The following SGO2 variants were observed in gnomAD, a reference collection of about 807,000 sequenced individuals.
SGO2 encodes shugoshin-like 2.
Under a neutral mutation model 99.5 loss-of-function variants are expected in SGO2, and 68 were observed. That is an observed-to-expected ratio of 0.68 (90% CI 0.56 to 0.84). The LOEUF is 0.84. SGO2 is among the 40% of genes least tolerant of loss of function. The pLI is 0.00. For synonymous variants in SGO2, 457 were observed against 487.1 expected, an observed-to-expected ratio of 0.94 and a Z score of 0.81; for missense variants, 1,350 against 1,436.7, an observed-to-expected ratio of 0.94 and a Z score of 0.97.
intron 8 of SGO2, among the ~76,000 whole-genome samples, chr2:200,577,783 T>C (rs1356700438): frequency 6.6e-6 from 1 of 152,146 alleles, no homozygotes; most frequent in Non-Finnish European, 1.5e-5. Flanking sequence ...ATGATTGCAA[T>C]GCAGTTGTGC....
intron 4 of SGO2, among the ~76,000 whole-genome samples, chr2:200,536,911 C>T (rs931320073): frequency 6.6e-6 from 1 of 152,102 alleles, no homozygotes; most frequent in African/African-American, 2.4e-5. Flanking sequence ...GTTCTGTCTT[C>T]TCCTTGTACC....
Position 200,570,557 on chromosome 2 carries a change from A to T in SGO2, c.704-493A>T, listed in dbSNP as rs2033368819. Among the ~76,000 whole-genome samples the T allele has an allele frequency of 6.6e-6, 1 of 151,386 alleles. No individual in the cohort carries two copies. Among genetic ancestry groups the T allele is most frequent in the Non-Finnish European group, 1.5e-5 (1 of 67,744 alleles). On this transcript the variant is annotated intron_variant, in intron 6 of 8. Coordinates refer to ENST00000357799, the MANE Select transcript of SGO2 (RefSeq NM_152524.6). The surrounding 1 kb of genome is among the most constrained non-coding windows in gnomAD (Gnocchi z 4.4). Reference sequence around the variant, plus strand: ...TATATACACACACACATATATACACACATATATATGGTATACATATAATGT... The same window carrying T: ...TATATACACACACACATATATACACTCATATATATGGTATACATATAATGT...
At chr2:200,532,923 T>TCC (rs1325766702) in intron 1 of SGO2, 51 bp from the exon 2 acceptor site, 1 of 1,528,518 alleles carries the variant, frequency 6.5e-7, no homozygotes, top group East Asian at 2.3e-5. Context: ...TTATCAGTTA[T>TCC]ACTTTTTCTT....
chr2:200,582,895 C>T (rs1373324760), intron 8 of SGO2, among the ~76,000 whole-genome samples: 3 of 151,954 alleles, frequency 2.0e-5, no homozygotes, highest in African/African-American at 2.4e-5. Context: ...ACCTACAGTA[C>T]GATTCCATTT....
intron 8 of SGO2, among the ~76,000 whole-genome samples, chr2:200,579,683 AACC>A (rs1465288783): frequency 6.6e-6 from 1 of 152,166 alleles, no homozygotes; most frequent in East Asian, 1.9e-4. Context: ...GTACCGAACT[AACC>A]TTGCTTTCCT....
chr2:200,544,471 A>T (rs1394745224), intron 5 of SGO2, among the ~76,000 whole-genome samples: 1 of 152,138 alleles, frequency 6.6e-6, no homozygotes, highest in African/African-American at 2.4e-5. Flanking sequence ...TAATAGGGAC[A>T]GGATTTTACC....
chr2:200,527,879 A>G (rs1449814184), intron 1 of SGO2, among the ~76,000 whole-genome samples: 1 of 152,166 alleles, frequency 6.6e-6, no homozygotes, highest in African/African-American at 2.4e-5. Flanking sequence ...AGAAGGGGAG[A>G]ATGGGGGTAA....
intron 4 of SGO2, among the ~76,000 whole-genome samples, chr2:200,539,438 T>A (rs1461742442): frequency 1.3e-5 from 2 of 152,090 alleles, no homozygotes; most frequent in Non-Finnish European, 2.9e-5. Flanking sequence ...TTTTTCTATT[T>A]TATTTTATTC....
At chr2:200,536,170 T>G (rs1049789736) in intron 4 of SGO2, 28 bp downstream of exon 4, 2 of 1,398,710 alleles carry the variant, frequency 1.4e-6, no homozygotes, top group African/African-American at 2.8e-5. Flanking sequence ...GTAAATAGTG[T>G]TGTTCTTTAG....
chr2:200,545,987 A>G (rs1559203843), intron 5 of SGO2, among the ~76,000 whole-genome samples: 1 of 152,152 alleles, frequency 6.6e-6, no homozygotes, highest in Non-Finnish European at 1.5e-5. Flanking sequence ...TGGTTGTAGG[A>G]GGTGCATTCC....
At chr2:200,531,294 G>A (rs766618169) in intron 1 of SGO2, among the ~76,000 whole-genome samples, 2 of 152,118 alleles carry the variant, frequency 1.3e-5, no homozygotes, top group Non-Finnish European at 2.9e-5. Flanking sequence ...CAATGAGTGA[G>A]GATATGAAAT....
At chr2:200,532,594 G>A (rs1166200055) in intron 1 of SGO2, among the ~76,000 whole-genome samples, 2 of 151,954 alleles carry the variant, frequency 1.3e-5, no homozygotes, top group East Asian at 3.9e-4. Flanking sequence ...CTTGGATTGG[G>A]TATATCTCTT....
chr2:200,535,539 T>C (rs1422134839), intron 3 of SGO2, among the ~76,000 whole-genome samples: 2 of 152,136 alleles, frequency 1.3e-5, no homozygotes, highest in African/African-American at 2.4e-5. Flanking sequence ...AATCTCAGCA[T>C]TTACCTGGCT....
Position 200,573,639 on chromosome 2 carries a change from G to A in SGO2, c.3293G>A (p.Arg1098Lys). Residue 1098 changes from arginine to lysine, a missense_variant, in exon 7 of 9, where the codon AGA becomes AAA. Arg to Lys is a conservative substitution (Grantham distance 26). Transcript: ENST00000357799. ...CCAGAGAGCCATGAAGTAATGGAAA[G>A]AATACTTGACAGCGTTCAGGGAAAG... ...PSPESHEVME[R>K]ILDSVQGKST... 6 of 1,613,136 alleles carry A rather than the reference G, an allele frequency of 3.7e-6. No homozygotes were observed. The highest frequency in any genetic ancestry group is 5.1e-6 in the Non-Finnish European group (6 of 1,179,458).
chr2:200,561,072 T>C (rs1348321365), intron 5 of SGO2, among the ~76,000 whole-genome samples: 1 of 152,226 alleles, frequency 6.6e-6, no homozygotes, highest in Non-Finnish European at 1.5e-5. Flanking sequence ...TACTTTAAGT[T>C]CTAGGGTACA....
At chr2:200,529,831 A>T (rs2031286291) in intron 1 of SGO2, among the ~76,000 whole-genome samples, 1 of 152,210 alleles carries the variant, frequency 6.6e-6, no homozygotes, top group Admixed American at 6.5e-5. Context: ...CCCAGCCTGG[A>T]GCTACAGTTT....
intron 5 of SGO2, among the ~76,000 whole-genome samples, chr2:200,557,418 T>C (rs1185924661): frequency 6.6e-6 from 1 of 152,136 alleles, no homozygotes; most frequent in African/African-American, 2.4e-5. Flanking sequence ...TGCTGCAGTC[T>C]ATTTCCTTTG....
At position 200,532,985 on chromosome 2, in the gene SGO2, C is replaced by A; in HGVS notation, c.10C>A (p.Pro4Thr). MEC[P>T]VMETGSLFTS... ...TTCTTTCACTTCAGTGATGGAGTGC[C>A]CAGTGATGGAAACTGGCTCACTTTT... Residue 4 changes from proline (P) to threonine (T), a missense_variant, in exon 2 of 9, where the codon CCA (proline) becomes ACA (threonine). By Grantham distance (38) the Pro-to-Thr change is conservative. Coordinates refer to ENST00000357799, the MANE Select transcript of SGO2 (RefSeq NM_152524.6). 1 of 1,608,100 alleles carries A rather than the reference C, an allele frequency of 6.2e-7. No individual in the cohort carries two copies. Among genetic ancestry groups the A allele is most frequent in the Non-Finnish European group, 8.5e-7 (1 of 1,178,446 alleles).
intron 8 of SGO2, among the ~76,000 whole-genome samples, chr2:200,577,040 T>G (rs903401698): frequency 6.6e-6 from 1 of 152,132 alleles, no homozygotes; most frequent in Non-Finnish European, 1.5e-5. Context: ...GTATTGTTTT[T>G]TTTTTTTTCT....
Sources: allele counts gnomAD v4.1 joint callset (sites outside exome capture counted in the v4.1 genomes callset), GRCh38; gene constraint gnomAD v4.1.1; non-coding constraint Gnocchi (gnomAD v3.1); transcripts MANE v1.5; gene names NCBI Gene and HGNC (gene_info 2026-07-23, HGNC 2026-07-21).